KRT8: variants seen among roughly 807,000 people sequenced by gnomAD.
KRT8 encodes the protein keratin, type II cytoskeletal 8.
Under a neutral mutation model 43.0 loss-of-function variants are expected in KRT8, and 24 were observed. The observed-to-expected ratio is 0.56, with a 90% confidence interval of 0.40 to 0.78. KRT8 has a LOEUF of 0.78. Ranked by LOEUF, KRT8 falls within the 30% of genes least tolerant of loss-of-function variation. KRT8 has a pLI of 0.00. For missense variants in KRT8, 492 were observed against 638.4 expected, an observed-to-expected ratio of 0.77 and a Z score of 2.47; for synonymous variants, 214 against 261.2, an observed-to-expected ratio of 0.82 and a Z score of 1.74.
At chr12:52,912,677 A>G (rs1394012292) in intron 2 of KRT8, among the ~76,000 whole-genome samples, 1 of 152,194 alleles carries the variant, frequency 6.6e-6, no homozygotes, top group Non-Finnish European at 1.5e-5. Flanking sequence ...CCTGGCCTCC[A>G]TGTCTCATCC....
chr12:52,939,428 T>C (rs1942231065), intron 2 of KRT8, among the ~76,000 whole-genome samples: 2 of 151,814 alleles, frequency 1.3e-5, no homozygotes, highest in Admixed American at 6.6e-5. Context: ...CACTTGAACC[T>C]GGGAGGTGGA....
chr12:52,930,843 A>C (rs1942071217), intron 2 of KRT8, among the ~76,000 whole-genome samples: 2 of 152,156 alleles, frequency 1.3e-5, no homozygotes, highest in Non-Finnish European at 2.9e-5. Flanking sequence ...TACAGGCATG[A>C]ACCTCTGTAC....
At chr12:52,940,875 C>T (rs1332759241) in intron 2 of KRT8, among the ~76,000 whole-genome samples, 2 of 151,946 alleles carry the variant, frequency 1.3e-5, no homozygotes, top group Non-Finnish European at 2.9e-5. Flanking sequence ...ATCCACCCGC[C>T]TCACCCTCCC....
At chr12:52,900,192 C>G (rs1032663963) in intron 4 of KRT8, 127 bp from the exon 5 acceptor site, 10 of 936,940 alleles carry the variant, frequency 1.1e-5, no homozygotes, top group Non-Finnish European at 1.6e-5. Flanking sequence ...GAGTCAGGGT[C>G]AGGGAGAGGG....
intron 2 of KRT8, among the ~76,000 whole-genome samples, chr12:52,946,433 A>G (rs908916835): frequency 6.6e-6 from 1 of 152,100 alleles, no homozygotes; most frequent in Non-Finnish European, 1.5e-5. Flanking sequence ...GTGAGTGACA[A>G]TTTACACTCA....
intron 2 of KRT8, among the ~76,000 whole-genome samples, chr12:52,929,206 T>C (rs1240149861): frequency 2.0e-5 from 2 of 100,326 alleles, no homozygotes; most frequent in Admixed American, 1.1e-4. Context: ...TTTTTTTTTT[T>C]CCAGATTCTC....
At chr12:52,906,781 C>T (rs963011964), upstream of KRT8, 3 of 455,842 alleles carry the variant, frequency 6.6e-6, no homozygotes, top group Admixed American at 7.0e-5. Flanking sequence ...TAGCCCTGAC[C>T]CAGGGAAGGG....
At chr12:52,935,570 C>T (rs867507917) in intron 2 of KRT8, among the ~76,000 whole-genome samples, 2 of 149,618 alleles carry the variant, frequency 1.3e-5, no homozygotes, top group Non-Finnish European at 3.0e-5. Context: ...AAAGGAAAAC[C>T]GTTCGTGACC....
chr12:52,943,226 A>G (rs975225553), intron 2 of KRT8, among the ~76,000 whole-genome samples: 1 of 152,140 alleles, frequency 6.6e-6, no homozygotes, highest in Admixed American at 6.5e-5. Flanking sequence ...TGCTTGAAAG[A>G]AAAGTCTACA....
chr12:52,933,776 G>A (rs780741343), intron 2 of KRT8, among the ~76,000 whole-genome samples: 29 of 151,442 alleles, frequency 1.9e-4, no homozygotes, highest in African/African-American at 4.8e-4. Flanking sequence ...AGGTGCCCAC[G>A]ACCATGCCTG....
intron 2 of KRT8, among the ~76,000 whole-genome samples, chr12:52,940,585 G>C (rs1345920877): frequency 6.6e-6 from 1 of 151,694 alleles, no homozygotes; most frequent in Admixed American, 6.6e-5. Flanking sequence ...GAGGAGGTGT[G>C]GGGGTGAGCA....
intron 2 of KRT8, among the ~76,000 whole-genome samples, chr12:52,925,663 G>T (rs890222259): frequency 2.0e-5 from 3 of 152,186 alleles, no homozygotes; most frequent in Non-Finnish European, 4.4e-5. Context: ...CTACCAGCCA[G>T]CCCCAGGCCA....
intron 2 of KRT8, among the ~76,000 whole-genome samples, chr12:52,928,493 G>C (rs12425966): frequency 0.24 from 35,813 of 151,976 alleles, 5,518 homozygotes; most frequent in Non-Finnish European, 0.35. Flanking sequence ...TTCACACACA[G>C]AACCTTGTCT....
At position 52,899,763 on chromosome 12, in the gene KRT8, C is replaced by G; in HGVS notation, c.981+12G>C. On this transcript the variant is annotated intron_variant, in intron 5 of 7. Transcript: ENST00000692008. ...TCCAAGGAACCCCTCCCACCCCCAA[C>G]CCGGCCCATACCTGGCCTTTGAGGC... 6.5e-7 allele frequency: 1 copy of G among 1,532,940 alleles called. No homozygotes were observed. Among genetic ancestry groups the G allele is most frequent in the Non-Finnish European group, 9.0e-7 (1 of 1,113,368 alleles). 95.0% of individuals were successfully genotyped at this position (1,532,940 alleles called of 1,614,324 possible). A position where few individuals can be genotyped will look rare whatever the true frequency, so the allele number is the denominator to read the frequency against.
At chr12:52,918,180 G>GGAAGAAGAACAAGAAGAA in intron 2 of KRT8, among the ~76,000 whole-genome samples, 2 of 73,818 alleles carry the variant, frequency 2.7e-5, no homozygotes, top group South Asian at 1.1e-3. Context: ...AAGAGGAAGA[G>GGAAGAAGAACAAGAAGAA]GAAGAAGAAG....
intron 2 of KRT8, among the ~76,000 whole-genome samples, chr12:52,940,396 G>A (rs1006878529): frequency 2.9e-5 from 4 of 140,000 alleles, no homozygotes; most frequent in African/African-American, 8.1e-5. Flanking sequence ...TCATGCCACT[G>A]CACTCCAGCC....
At chr12:52,904,916 G>A in exon 1 of KRT8, 1 of 1,612,656 alleles carries the variant, frequency 6.2e-7, no homozygotes, top group Non-Finnish European at 8.5e-7. Flanking sequence ...TGTAGGAGCG[G>A]CTGCTGAAGG....
rs759923840 is a variant in KRT8 at position 52,901,222 on chromosome 12, G to A, written c.534-3C>T. 2 of 1,604,970 alleles carry A rather than the reference G, an allele frequency of 1.2e-6. No individual in the cohort carries two copies. Among genetic ancestry groups the A allele is most frequent in the Middle Eastern group, 4.0e-4 (2 of 4,982 alleles). ...GCTTATTGATCTCATCCTCATACCT[G>A]TGAGGAAAAGACTTACAATTAGAGG... On this transcript the variant is annotated splice_polypyrimidine_tract_variant and splice_region_variant and intron_variant, in intron 2 of 7. Coordinates refer to ENST00000692008, the Ensembl canonical transcript of KRT8.
At chr12:52,908,706 T>G (rs754667200), upstream of KRT8, among the ~76,000 whole-genome samples, 15 of 152,152 alleles carry the variant, frequency 9.9e-5, no homozygotes, top group Admixed American at 2.0e-4. Context: ...GATGAGAATG[T>G]TCTAAATTTG....
Sources: allele counts gnomAD v4.1 joint callset (sites outside exome capture counted in the v4.1 genomes callset), GRCh38; gene constraint gnomAD v4.1.1; transcripts MANE v1.5; gene names NCBI Gene and HGNC (gene_info 2026-07-23, HGNC 2026-07-21).